Variants in FARP1 observed in about 807,000 individuals in gnomAD.
The protein encoded by FARP1 is FERM, ARHGEF and pleckstrin domain-containing protein 1.
Under a neutral mutation model 128.8 loss-of-function variants are expected in FARP1, and 52 were observed. That is an observed-to-expected ratio of 0.40 (90% CI 0.32 to 0.51). The LOEUF (loss-of-function observed/expected upper bound fraction) is 0.51, where lower values mean the gene tolerates loss of function less well. Among genes scored for constraint, FARP1 ranks in the 20% least tolerant of loss-of-function variants. FARP1 has a pLI of 0.45. For synonymous variants in FARP1, 580 were observed against 551.8 expected (o/e 1.05, Z -0.72); for missense variants, 1,333 against 1,367.9 (o/e 0.97, Z 0.40).
chr13:98,435,990 G>C (rs1892253516), intron 19 of FARP1: 1 of 376,386 alleles, frequency 2.7e-6, no homozygotes, highest in African/African-American at 2.1e-5. Flanking sequence ...ATTTGAGATT[G>C]CTTATTTTAT....
At chr13:98,261,826 T>C (rs1197531206) in intron 2 of FARP1, among the ~76,000 whole-genome samples, 3 of 152,038 alleles carry the variant, frequency 2.0e-5, no homozygotes, top group Non-Finnish European at 4.4e-5. Context: ...AACTCACTGT[T>C]GCTGTGGGGA....
chr13:98,168,831 T>C (rs1877457105), intron 1 of FARP1, among the ~76,000 whole-genome samples: 1 of 152,226 alleles, frequency 6.6e-6, no homozygotes, highest in Admixed American at 6.5e-5. Context: ...TAAGAAGTAG[T>C]TGAAATGTTC....
chr13:98,225,413 C>G lies in FARP1; in HGVS notation c.171+12000C>G, dbSNP rs146460525. Among the ~76,000 whole-genome samples the G allele has an allele frequency of 4.8e-3, 729 of 152,302 alleles. 7 individuals are homozygous for G. Among genetic ancestry groups the G allele is most frequent in the African/African-American group, 0.017 (695 of 41,566 alleles). The stretch of plus-strand genomic sequence containing the variant: ...ATCATGCCCTGGGGTTTATTACGAT[C>G]TCACCCATTATTCCCATCACACGAG... On this transcript the variant is annotated intron_variant, in intron 2 of 26. Coordinates refer to ENST00000319562, the MANE Select transcript of FARP1 (RefSeq NM_005766.4).
At chr13:98,211,120 C>T (rs931286905) in intron 1 of FARP1, among the ~76,000 whole-genome samples, 2 of 152,146 alleles carry the variant, frequency 1.3e-5, no homozygotes, top group African/African-American at 4.8e-5. Context: ...CTCAGTGGCT[C>T]CTGCTGCCTG....
At chr13:98,181,408 G>T (rs1427760517) in intron 1 of FARP1, among the ~76,000 whole-genome samples, 1 of 152,064 alleles carries the variant, frequency 6.6e-6, no homozygotes, top group African/African-American at 2.4e-5. Flanking sequence ...TTTTTGCCTG[G>T]CTGGCAGCGA....
At chr13:98,287,332 C>A (rs1181835673) in intron 2 of FARP1, among the ~76,000 whole-genome samples, 4 of 149,654 alleles carry the variant, frequency 2.7e-5, no homozygotes, top group Non-Finnish European at 5.9e-5. Context: ...CGGGTTCATG[C>A]CATTCTCCTG....
Position 98,176,887 on chromosome 13 carries a change from T to G in FARP1, c.-24+33395T>G, listed in dbSNP as rs1878097204. The stretch of plus-strand genomic sequence containing the variant: ...CGGCGTATGGTGCTCCTTCTCGGTG[T>G]CCTGCTCGAAGTCAGCGGTGGCCCC... On this transcript the variant is annotated intron_variant, in intron 1 of 26. Transcript: ENST00000319562. This position sits in a 1 kb window ranked among gnomAD's most constrained non-coding sequence, Gnocchi z 6.2. 1 of 1,606,442 alleles carries G rather than the reference T, an allele frequency of 6.2e-7. No individual in the cohort carries two copies. Among genetic ancestry groups the G allele is most frequent in the Admixed American group, 1.7e-5 (1 of 59,988 alleles).
chr13:98,255,871 G>A (rs10492710), intron 2 of FARP1, among the ~76,000 whole-genome samples: 6,855 of 152,268 alleles, frequency 0.045, 272 homozygotes, highest in African/African-American at 0.11. Flanking sequence ...AGAAAAGGAA[G>A]CGTAGTAGAA....
intron 1 of FARP1, among the ~76,000 whole-genome samples, chr13:98,207,908 CCACACACACA>C (rs71111934): frequency 0.039 from 2,768 of 71,552 alleles, 57 homozygotes; most frequent in Middle Eastern, 0.11. Context: ...ACCACCACCT[CCACACACACA>C]CACACACACA....
intron 2 of FARP1, among the ~76,000 whole-genome samples, chr13:98,253,336 G>A (rs1040194458): frequency 5.3e-5 from 8 of 152,212 alleles, no homozygotes; most frequent in East Asian, 1.9e-4. Context: ...AGTAGCTGCC[G>A]TTGACTGAGT....
chr13:98,237,933 G>GA (rs1229072170), intron 2 of FARP1, among the ~76,000 whole-genome samples: 1 of 152,088 alleles, frequency 6.6e-6, no homozygotes, highest in African/African-American at 2.4e-5. Flanking sequence ...ATCTTGTATT[G>GA]AAAATGCAGC....
chr13:98,249,431 T>C (rs1434800859), intron 2 of FARP1, among the ~76,000 whole-genome samples: 2 of 152,230 alleles, frequency 1.3e-5, no homozygotes, highest in East Asian at 3.8e-4. Flanking sequence ...GATAGACGCT[T>C]TTTTGCAAGA....
At chr13:98,412,070 C>T (rs374854391) in intron 16 of FARP1, 36 bp downstream of exon 16, 3 of 1,602,062 alleles carry the variant, frequency 1.9e-6, no homozygotes, top group Non-Finnish European at 2.6e-6. Flanking sequence ...ACGTTCCTCC[C>T]TCCGTCTTGC....
intron 2 of FARP1, among the ~76,000 whole-genome samples, chr13:98,288,401 C>A (rs1007272046): frequency 1.3e-5 from 2 of 152,278 alleles, no homozygotes; most frequent in African/African-American, 4.8e-5. Context: ...CCCATGTCTG[C>A]GCTTCATTGG....
At chr13:98,207,700 A>G (rs1432351035) in intron 1 of FARP1, among the ~76,000 whole-genome samples, 2 of 152,050 alleles carry the variant, frequency 1.3e-5, no homozygotes, top group Non-Finnish European at 2.9e-5. Flanking sequence ...GGGCCACACC[A>G]AAGTACGAAA....
At chr13:98,207,908 CCA>C (rs71111934) in intron 1 of FARP1, among the ~76,000 whole-genome samples, 4,851 of 71,230 alleles carry the variant, frequency 0.068, 109 homozygotes, top group South Asian at 0.076. Flanking sequence ...ACCACCACCT[CCA>C]CACACACACA....
chr13:98,301,170 G>A (rs192250381), intron 2 of FARP1, among the ~76,000 whole-genome samples: 18 of 152,340 alleles, frequency 1.2e-4, no homozygotes, highest in Non-Finnish European at 2.6e-4. Context: ...TCAAATGTCA[G>A]TAATGCAGAG....
Position 98,440,707 on chromosome 13 carries a change from A to C in FARP1, c.2667A>C (p.Ser889=), listed in dbSNP as rs771710445. ...PDEATAADQE[S]EDDLSASRTS... ...AAGCCACCGCGGCTGACCAGGAGTC[A>C]GAGGATGACCTGAGCGCCTCGCGCA... Residue 889 remains serine, a synonymous_variant, in exon 24 of 27, where the codon TCA becomes TCC. Coordinates refer to ENST00000319562, the MANE Select transcript of FARP1 (RefSeq NM_005766.4). 2.5e-6 allele frequency: 4 copies of C among 1,613,512 alleles called. No individual in the cohort carries two copies. Among genetic ancestry groups the C allele is most frequent in the Non-Finnish European group, 3.4e-6 (4 of 1,179,926 alleles).
intron 2 of FARP1, 31 bp from the exon 3 acceptor site, chr13:98,343,731 C>G (rs1239152154): frequency 6.7e-7 from 1 of 1,496,904 alleles, no homozygotes; most frequent in Non-Finnish European, 9.3e-7. Flanking sequence ...GTGCCTGCCT[C>G]AGGGATAACC....
Sources: allele counts gnomAD v4.1 joint callset (sites outside exome capture counted in the v4.1 genomes callset), GRCh38; gene constraint gnomAD v4.1.1; non-coding constraint Gnocchi (gnomAD v3.1); transcripts MANE v1.5; gene names NCBI Gene and HGNC (gene_info 2026-07-23, HGNC 2026-07-21).